The following TCEA1 variants were observed in gnomAD, a reference collection of about 807,000 sequenced individuals.
TCEA1 encodes transcription elongation factor A1, also known as transcription elongation factor A protein 1.
Under a neutral mutation model 43.8 loss-of-function variants are expected in TCEA1, and 21 were observed. That is an observed-to-expected ratio of 0.48 (90% CI 0.34 to 0.69). TCEA1 has a LOEUF of 0.69. Among genes scored for constraint, TCEA1 ranks in the 30% least tolerant of loss-of-function variants. The pLI, the probability that TCEA1 is intolerant of heterozygous loss-of-function variation, is 0.01. For missense variants in TCEA1, 250 were observed against 365.1 expected (o/e 0.68, Z 2.57); for synonymous variants, 104 against 117.5 (o/e 0.88, Z 0.75).
At chr8:54,013,696 A>AAAAAAAC (rs1563517391) in intron 1 of TCEA1, among the ~76,000 whole-genome samples, 2 of 147,964 alleles carry the variant, frequency 1.4e-5, no homozygotes, top group African/African-American at 5.2e-5. Context: ...AAAAAAAAAA[A>AAAAAAAC]AAAAAACAAA....
intron 4 of TCEA1, among the ~76,000 whole-genome samples, chr8:53,990,302 GC>G (rs1563485260): frequency 6.7e-6 from 1 of 149,970 alleles, no homozygotes; most frequent in African/African-American, 2.5e-5. Flanking sequence ...TGATAATTCC[GC>G]CTCGGCGTCC....
chr8:53,986,702 GAAGGAAA>G (rs1349118944), intron 6 of TCEA1, among the ~76,000 whole-genome samples: 1 of 152,144 alleles, frequency 6.6e-6, no homozygotes, highest in Non-Finnish European at 1.5e-5. Context: ...GCTTCAACAT[GAAGGAAA>G]AAGTCTAGCG....
intron 3 of TCEA1, among the ~76,000 whole-genome samples, chr8:53,994,776 C>A: frequency 6.6e-6 from 1 of 151,726 alleles, no homozygotes; most frequent in African/African-American, 2.4e-5. Context: ...GAGGCTGAGG[C>A]AGAAGAATAG....
At chr8:54,006,139 ACTT>A (rs1563507198) in intron 2 of TCEA1, among the ~76,000 whole-genome samples, 2 of 152,120 alleles carry the variant, frequency 1.3e-5, no homozygotes, top group Non-Finnish European at 2.9e-5. Context: ...TGACAAGTAA[ACTT>A]CTTCGTTCTT....
At chr8:54,021,976 G>A (rs1333148661) in intron 1 of TCEA1, 87 bp downstream of exon 1, 11 of 1,273,520 alleles carry the variant, frequency 8.6e-6, no homozygotes, top group Non-Finnish European at 1.1e-5. Context: ...GCAGGGGGAG[G>A]GGAGGGAGAA....
chr8:54,019,713 C>T (rs1048415336), intron 1 of TCEA1, among the ~76,000 whole-genome samples: 5 of 152,196 alleles, frequency 3.3e-5, no homozygotes, highest in African/African-American at 1.2e-4. Flanking sequence ...TTACTGAACA[C>T]TTAAAAAGCC....
intron 4 of TCEA1, among the ~76,000 whole-genome samples, chr8:53,991,906 CA>C (rs1317985500): frequency 1.3e-5 from 2 of 151,280 alleles, no homozygotes; most frequent in African/African-American, 4.9e-5. Context: ...AATACAAATA[CA>C]AAAAAATAAC....
chr8:54,011,864 C>G (rs569007179), intron 1 of TCEA1, among the ~76,000 whole-genome samples: 4 of 152,262 alleles, frequency 2.6e-5, no homozygotes, highest in East Asian at 3.9e-4. Context: ...TTCAATTCAA[C>G]CCAATACCTC....
At chr8:53,994,808 T>C (rs556603632) in intron 3 of TCEA1, among the ~76,000 whole-genome samples, 4 of 150,158 alleles carry the variant, frequency 2.7e-5, no homozygotes, top group African/African-American at 9.8e-5. Flanking sequence ...GAGGCGGAGG[T>C]TGCAGTGAGC....
Position 53,967,476 on chromosome 8 carries a change from A to T in TCEA1, c.*628T>A, listed in dbSNP as rs11550739. The T allele has an allele frequency of 1.2e-3, 231 of 198,926 alleles. 1 individual carries two copies. The highest frequency in any genetic ancestry group is 5.0e-3 in the African/African-American group (216 of 43,634). The allele number at this position is 198,926 out of a possible 1,614,324, so 12.3% of individuals were successfully genotyped here. ...TCCAAAAATCTATTAAGAACAAGTA[A>T]TATACATGTACAAGAAATTACAAGA... On this transcript the variant is annotated 3_prime_UTR_variant, in exon 10 of 10. Transcript: ENST00000521604.
intron 5 of TCEA1, among the ~76,000 whole-genome samples, chr8:53,987,892 G>A (rs1803737699): frequency 6.6e-6 from 1 of 152,164 alleles, no homozygotes; most frequent in Non-Finnish European, 1.5e-5. Flanking sequence ...GTATTAGAGG[G>A]AATCTATTTC....
intron 2 of TCEA1, among the ~76,000 whole-genome samples, chr8:54,004,805 G>A (rs1437996047): frequency 6.7e-6 from 1 of 149,362 alleles, no homozygotes; most frequent in African/African-American, 2.5e-5. Context: ...GAAACATACA[G>A]CTACGTTTAC....
rs186759988 is a variant in TCEA1 at position 53,984,547 on chromosome 8, A to G, written c.524-30T>C. ...CAGGCCGTTAAGGAAAAAAGGCAAA[A>G]TTACAAAAGTAAGATCACTTTTTTT... On this transcript the variant is annotated intron_variant, in intron 6 of 9. Coordinates refer to ENST00000521604, the MANE Select transcript of TCEA1 (RefSeq NM_006756.4). 813 of 1,517,964 alleles carry G rather than the reference A, an allele frequency of 5.4e-4. 1 individual carries two copies. Among genetic ancestry groups the G allele is most frequent in the Admixed American group, 9.2e-4 (38 of 41,404 alleles). 94.0% of individuals were successfully genotyped at this position (1,517,964 alleles called of 1,614,324 possible).
At chr8:54,013,547 C>T (rs1223640461) in intron 1 of TCEA1, among the ~76,000 whole-genome samples, 3 of 151,668 alleles carry the variant, frequency 2.0e-5, no homozygotes, top group South Asian at 2.1e-4. Flanking sequence ...GGCGTGGTGG[C>T]GGGCACCTGT....
At chr8:54,012,049 A>G (rs1804668678) in intron 1 of TCEA1, among the ~76,000 whole-genome samples, 1 of 152,208 alleles carries the variant, frequency 6.6e-6, no homozygotes, top group Non-Finnish European at 1.5e-5. Flanking sequence ...CACTGACTTA[A>G]AACGTATTAT....
chr8:54,014,761 T>C (rs1186350599), intron 1 of TCEA1, among the ~76,000 whole-genome samples: 3 of 152,266 alleles, frequency 2.0e-5, no homozygotes, highest in African/African-American at 7.2e-5. Flanking sequence ...TAGGGATTTA[T>C]AGTTAAGAAT....
At chr8:54,004,833 C>G (rs557190826) in intron 2 of TCEA1, among the ~76,000 whole-genome samples, 1 of 151,806 alleles carries the variant, frequency 6.6e-6, no homozygotes, top group South Asian at 2.1e-4. Flanking sequence ...TTAATAAGTT[C>G]CAAGACAGCA....
chr8:54,014,171 GT>G (rs1804746808), intron 1 of TCEA1, among the ~76,000 whole-genome samples: 1 of 152,192 alleles, frequency 6.6e-6, no homozygotes, highest in Non-Finnish European at 1.5e-5. Flanking sequence ...GGGTAGTAAG[GT>G]CATGAACTAG....
chr8:54,016,147 A>T (rs889934822), intron 1 of TCEA1, among the ~76,000 whole-genome samples: 12 of 152,242 alleles, frequency 7.9e-5, no homozygotes, highest in African/African-American at 2.9e-4. Flanking sequence ...TATATGACCC[A>T]GTAATTATTC....
Sources: allele counts gnomAD v4.1 joint callset (sites outside exome capture counted in the v4.1 genomes callset), GRCh38; gene constraint gnomAD v4.1.1; transcripts MANE v1.5; gene names NCBI Gene and HGNC (gene_info 2026-07-23, HGNC 2026-07-21).